The following CD36 variants were observed in gnomAD, a reference collection of about 807,000 sequenced individuals.
The protein encoded by CD36 is platelet glycoprotein 4.
Under a neutral mutation model 55.2 loss-of-function variants are expected in CD36, and 119 were observed. The observed-to-expected ratio is 2.15, with a 90% CI of 1.86 to 2.51. CD36 has a LOEUF of 2.51. Among genes scored for constraint, CD36 ranks in the 30% most tolerant of loss-of-function variants. The probability of loss-of-function intolerance (pLI) is 0.00; values close to 1 mark genes in which losing one functional copy is unlikely to be tolerated. For synonymous variants in CD36, 186 were observed against 193.6 expected, an observed-to-expected ratio of 0.96 and a Z score of 0.33; for missense variants, 819 against 555.5, an observed-to-expected ratio of 1.47 and a Z score of -4.77.
chr7:80,633,451 G>A (rs1473715316), intron 1 of CD36: 2 of 151,944 alleles, frequency 1.3e-5, no homozygotes. Context: ...TCTAAACTAA[G>A]TTACTCTGAT....
intron 1 of CD36, among the ~76,000 whole-genome samples, chr7:80,608,506 TAA>T (rs1358409541): frequency 6.6e-6 from 1 of 152,186 alleles, no homozygotes; most frequent in Non-Finnish European, 1.5e-5. Flanking sequence ...TTAATGCATA[TAA>T]AATACTCATA....
intron 1 of CD36, among the ~76,000 whole-genome samples, chr7:80,604,703 C>T (rs1453587852): frequency 1.3e-5 from 2 of 151,784 alleles, no homozygotes; most frequent in African/African-American, 2.4e-5. Flanking sequence ...ATTGTTTGCC[C>T]TTCAGTGCTT....
intron 3 of CD36, among the ~76,000 whole-genome samples, chr7:80,650,783 ACTTTATTTTTGCT>A: frequency 6.6e-6 from 1 of 152,242 alleles, no homozygotes; most frequent in Admixed American, 6.5e-5. Context: ...GCTTATTTGT[ACTTTATTTTTGCT>A]CTTTATTTTC....
chr7:80,671,826 A>G, intron 10 of CD36, 96 bp from the exon 11 acceptor site: 2 of 1,103,166 alleles, frequency 1.8e-6, no homozygotes, highest in East Asian at 4.8e-5. Context: ...GTATTTTTTA[A>G]TGCAAGAAGC....
intron 1 of CD36, among the ~76,000 whole-genome samples, chr7:80,621,133 G>A (rs1023311010): frequency 1.3e-5 from 2 of 151,978 alleles, no homozygotes; most frequent in South Asian, 2.1e-4. Flanking sequence ...CCAGCAAAAA[G>A]ATTATTATAA....
At chr7:80,676,188 A>G (rs972681868) in intron 14 of CD36, 196 bp from the exon 15 acceptor site, 1 of 152,212 alleles carries the variant, frequency 6.6e-6, no homozygotes, top group African/African-American at 2.4e-5. Flanking sequence ...AAAATTGGAT[A>G]TGCTTTACTT....
chr7:80,666,345 T>TGA (rs1337751253), intron 7 of CD36, 98 bp from the exon 8 acceptor site: 1 of 797,878 alleles, frequency 1.3e-6, no homozygotes, highest in Non-Finnish European at 2.1e-6. Flanking sequence ...TTTAAATGCA[T>TGA]CATATTAACA....
intron 4 of CD36, among the ~76,000 whole-genome samples, chr7:80,659,481 G>T (rs917089557): frequency 6.6e-6 from 1 of 152,110 alleles, no homozygotes; most frequent in Non-Finnish European, 1.5e-5. Flanking sequence ...GCTTTGGAAA[G>T]AATATAAAAA....
At chr7:80,651,670 G>A (rs1188678091) in intron 3 of CD36, among the ~76,000 whole-genome samples, 2 of 152,136 alleles carry the variant, frequency 1.3e-5, no homozygotes, top group Non-Finnish European at 2.9e-5. Context: ...TACTTCGGGA[G>A]GCTGAGACGG....
At chr7:80,611,948 C>T (rs1792897714) in intron 1 of CD36, among the ~76,000 whole-genome samples, 1 of 152,156 alleles carries the variant, frequency 6.6e-6, no homozygotes, top group Non-Finnish European at 1.5e-5. Flanking sequence ...TCATCATGAT[C>T]ACAGAATGAT....
intron 9 of CD36, 110 bp from the exon 10 acceptor site, chr7:80,670,867 A>ATTT: frequency 1.2e-6 from 1 of 807,428 alleles, no homozygotes; most frequent in Non-Finnish European, 2.1e-6. Flanking sequence ...TGAAACAAGA[A>ATTT]TTTAAAAGAG....
intron 2 of CD36, 42 bp from the exon 3 acceptor site, chr7:80,646,609 CT>C: frequency 9.4e-7 from 1 of 1,066,360 alleles, no homozygotes. Flanking sequence ...TCTTTTTGTA[CT>C]GATATTTAAG....
chr7:80,637,813 T>C (rs879921613), upstream of CD36, among the ~76,000 whole-genome samples: 16 of 152,082 alleles, frequency 1.1e-4, no homozygotes, highest in Admixed American at 8.5e-4. Context: ...TCCTGTATGA[T>C]TCTGAGAATT....
chr7:80,648,268 A>C (rs1051433971), intron 3 of CD36, among the ~76,000 whole-genome samples: 2 of 152,154 alleles, frequency 1.3e-5, no homozygotes, highest in Non-Finnish European at 2.9e-5. Flanking sequence ...CCCAGATCTT[A>C]TGCAGAGAAA....
intron 1 of CD36, among the ~76,000 whole-genome samples, chr7:80,631,106 G>A (rs1794050903): frequency 6.6e-6 from 1 of 151,974 alleles, no homozygotes; most frequent in Non-Finnish European, 1.5e-5. Context: ...AAGTAGCAGG[G>A]CTAGTGGTGT....
intron 3 of CD36, among the ~76,000 whole-genome samples, chr7:80,653,268 C>G (rs1268987034): frequency 6.6e-6 from 1 of 152,118 alleles, no homozygotes; most frequent in Non-Finnish European, 1.5e-5. Flanking sequence ...AAAAGTGAAA[C>G]AAAATATTTT....
intron 13 of CD36, chr7:80,673,664 A>G: frequency 1.8e-6 from 1 of 559,790 alleles, no homozygotes; most frequent in African/African-American, 1.9e-5. Flanking sequence ...TTGCCTGACA[A>G]GGTATTTTTA....
intron 8 of CD36, among the ~76,000 whole-genome samples, chr7:80,667,751 T>TTTTTGG (rs1554344756): frequency 9.1e-6 from 1 of 109,302 alleles, no homozygotes; most frequent in Admixed American, 8.8e-5. Flanking sequence ...TCTTTTGTTT[T>TTTTTGG]TTTTTTTTTT....
rs79908976 is a variant in CD36 at position 80,628,954 on chromosome 7, A to G, written c.-183-17134A>G. 8.5e-3 allele frequency among the ~76,000 whole-genome samples: 1,293 copies of G among 152,182 alleles called. 61 individuals carry two copies. The East Asian group carries it at 0.11, about 12-fold the overall frequency. On this transcript the variant is annotated intron_variant, in intron 1 of 13. Coordinates refer to the CD36 transcript ENST00000309881. ...TAGCTTCTCCAAAGAAGGCAATCAG[A>G]TAAGCTTTTATCTCAGCGAGCAGAG...
Sources: allele counts gnomAD v4.1 joint callset (sites outside exome capture counted in the v4.1 genomes callset), GRCh38; gene constraint gnomAD v4.1.1; transcripts MANE v1.5; gene names NCBI Gene and HGNC (gene_info 2026-07-23, HGNC 2026-07-21).